ARPC2: variants seen among roughly 807,000 people sequenced by gnomAD.
The protein encoded by ARPC2 is actin related protein 2/3 complex subunit 2.
ARPC2 carries 4 observed loss-of-function variants against 38.6 expected under a neutral mutation model. That is an observed-to-expected ratio of 0.10 (90% CI 0.05 to 0.24). ARPC2 has a LOEUF of 0.24. Among genes scored for constraint, ARPC2 ranks in the 10% least tolerant of loss-of-function variants. The pLI is 1.00. For missense variants in ARPC2, 229 were observed against 387.3 expected (o/e 0.59, Z 3.43); for synonymous variants, 125 against 140.8 (o/e 0.89, Z 0.79).
chr2:218,246,320 C>T (rs1002028499), intron 8 of ARPC2, among the ~76,000 whole-genome samples: 2 of 151,400 alleles, frequency 1.3e-5, no homozygotes, highest in East Asian at 2.0e-4. Flanking sequence ...GTCAGGAGTT[C>T]GAGACCAGCC....
chr2:218,249,975 G>A (rs1690144662), intron 10 of ARPC2, 54 bp downstream of exon 10: 2 of 1,452,210 alleles, frequency 1.4e-6, no homozygotes, highest in African/African-American at 2.8e-5. Context: ...CACCGAGAAG[G>A]AAGCAGTGGG....
intron 7 of ARPC2, among the ~76,000 whole-genome samples, chr2:218,242,427 C>G (rs1296418180): frequency 6.6e-6 from 1 of 152,136 alleles, no homozygotes; most frequent in Non-Finnish European, 1.5e-5. Context: ...TGTTCAGGGA[C>G]AAAGACACAA....
rs202051398 is a variant in ARPC2, at chr2:218,238,818, G to A, written c.423G>A (p.Arg141=). ...FQEEGKEGEN[R]AVIHYRDDET... The stretch of plus-strand genomic sequence containing the variant: ...AAGAGGGCAAGGAAGGAGAGAACAG[G>A]GCAGTTATCCATTATAGGGATGATG... The change falls in exon 6 of 11, where the codon AGG becomes AGA. Residue 141 remains arginine (R), a synonymous_variant. Coordinates refer to ENST00000315717, the MANE Select transcript of ARPC2 (RefSeq NM_152862.3). 357 of 1,613,744 alleles carry A rather than the reference G, an allele frequency of 2.2e-4. 4 individuals carry two copies. Among genetic ancestry groups the A allele is most frequent in the Middle Eastern group, 8.2e-4 (5 of 6,082 alleles).
intron 8 of ARPC2, among the ~76,000 whole-genome samples, chr2:218,246,618 G>C (rs13423003): frequency 0.1 from 15,180 of 151,862 alleles, 1,679 homozygotes; most frequent in African/African-American, 0.27. Flanking sequence ...AGGTTGGTGG[G>C]TCACTTGGGT....
chr2:218,242,288 G>A (rs1689933902), intron 7 of ARPC2, among the ~76,000 whole-genome samples: 1 of 152,162 alleles, frequency 6.6e-6, no homozygotes, highest in South Asian at 2.1e-4. Context: ...AAAAGCAATA[G>A]GACCAGTAAT....
chr2:218,235,543 T>C (rs1199482733), intron 5 of ARPC2: 1 of 151,648 alleles, frequency 6.6e-6, no homozygotes, highest in Non-Finnish European at 1.5e-5. Context: ...GGGATGAATG[T>C]GTCACAGAAA....
At chr2:218,242,247 T>G (rs1689932978) in intron 7 of ARPC2, among the ~76,000 whole-genome samples, 5 of 152,244 alleles carry the variant, frequency 3.3e-5, no homozygotes, top group Admixed American at 3.3e-4. Flanking sequence ...GAATGTCTGA[T>G]AGAAGCCATC....
At position 218,245,478 on chromosome 2, in the gene ARPC2, G is replaced by T. The variant is rs1174444575; in HGVS notation, c.608G>T (p.Arg203Met). 9.3e-6 allele frequency: 15 copies of T among 1,614,066 alleles called. No individual in the cohort carries two copies. Among genetic ancestry groups the T allele is most frequent in the Non-Finnish European group, 1.3e-5 (15 of 1,180,036 alleles). ...GCCCCACAGGTCCTCTTTAGCCACAGGGAACCTCCTCTGGAGCTGAAAGAC... is the reference window on the plus strand; with the variant it reads ...GCCCCACAGGTCCTCTTTAGCCACATGGAACCTCCTCTGGAGCTGAAAGAC... The part of the protein sequence containing the change: ...HTAPQVLFSH[R>M]EPPLELKDTD... The change falls in exon 8 of 11, where the codon AGG (arginine) becomes ATG (methionine). Residue 203 changes from arginine to methionine, a missense_variant. Coordinates refer to ENST00000315717, the MANE Select transcript of ARPC2 (RefSeq NM_152862.3).
chr2:218,223,662 A>G (rs1363469265), intron 2 of ARPC2, among the ~76,000 whole-genome samples: 3 of 152,164 alleles, frequency 2.0e-5, no homozygotes, highest in African/African-American at 7.2e-5. Context: ...TAGAAGAGGA[A>G]CCTGAGGCCC....
At chr2:218,229,254 A>G (rs1689576143) in intron 4 of ARPC2, 1 of 153,250 alleles carries the variant, frequency 6.5e-6, no homozygotes, top group Non-Finnish European at 1.5e-5. Flanking sequence ...GTCTTTTGAA[A>G]TTTTTAATTA....
At chr2:218,218,345 T>TATA (rs1212793214) in intron 2 of ARPC2, among the ~76,000 whole-genome samples, 1 of 152,226 alleles carries the variant, frequency 6.6e-6, no homozygotes, top group African/African-American at 2.4e-5. Context: ...CTCCAGAATC[T>TATA]ATAAAGTTCT....
At chr2:218,241,256 A>T (rs975852312) in intron 7 of ARPC2, among the ~76,000 whole-genome samples, 2 of 152,258 alleles carry the variant, frequency 1.3e-5, no homozygotes, top group African/African-American at 4.8e-5. Context: ...GAAAATCTTC[A>T]AAAGTGATAT....
At position 218,234,125 on chromosome 2, in the gene ARPC2, C is replaced by T. The variant is rs1340540522; in HGVS notation, c.223-227C>T. 6.7e-5 allele frequency: 24 copies of T among 360,806 alleles called. No individual in the cohort carries two copies. The East Asian group carries it at 9.3e-4, about 14-fold the overall frequency. The allele number at this position is 360,806 out of a possible 1,614,324, so 22.4% of individuals were successfully genotyped here. A position where few individuals can be genotyped will look rare whatever the true frequency, so the allele number is the denominator to read the frequency against. On this transcript the variant is annotated intron_variant, in intron 4 of 10. Transcript: ENST00000315717. ...CGGAGGTTGTGGTGAGCCGAGATCGCGCCATTGCACTCTGTCCCAGGCATA... is the reference window on the plus strand; with the variant it reads ...CGGAGGTTGTGGTGAGCCGAGATCGTGCCATTGCACTCTGTCCCAGGCATA...
intron 6 of ARPC2, 23 bp downstream of exon 6, chr2:218,238,873 A>G (rs1267720115): frequency 6.4e-7 from 1 of 1,563,726 alleles, no homozygotes; most frequent in Non-Finnish European, 8.8e-7. Flanking sequence ...TTTGGTCCTG[A>G]AGCCTGGATA....
chr2:218,239,679 C>T lies in ARPC2; in HGVS notation c.549+195C>T, dbSNP rs184073728. ...AGTGATCTCGGCTCACTGCAACCTC[C>T]GCCTCCCAGGTTCAAGCAATTCTCC... On this transcript the variant is annotated intron_variant, in intron 7 of 10. Transcript: ENST00000315717. 1.1e-3 allele frequency: 560 copies of T among 509,122 alleles called. 7 individuals carry two copies. In the South Asian group the frequency reaches 0.012, roughly 11 times the overall value. The allele number at this position is 509,122 out of a possible 1,614,324, so 31.5% of individuals were successfully genotyped here.
In ARPC2 at chr2:218,217,560, G is replaced by T. The variant is rs1196875517; in HGVS notation, c.74+16G>T. 2 of 1,606,928 alleles carry T rather than the reference G, an allele frequency of 1.2e-6. No individual in the cohort carries two copies. Among genetic ancestry groups the T allele is most frequent in the African/African-American group, 2.7e-5 (2 of 74,786 alleles). On this transcript the variant is annotated intron_variant, in intron 2 of 10. Transcript: ENST00000315717. ...CGGCCGCCGGGTGAGCGCGCGCCCG[G>T]GGCCGGGGGTGGCGGGGGAAGCAGA...
At chr2:218,248,180 A>G (rs1185359603) in intron 8 of ARPC2, among the ~76,000 whole-genome samples, 2 of 152,214 alleles carry the variant, frequency 1.3e-5, no homozygotes, top group Non-Finnish European at 2.9e-5. Context: ...CTCTTGTGGT[A>G]CATAAAATTA....
intron 10 of ARPC2, 59 bp downstream of exon 10, chr2:218,249,980 A>T: frequency 7.0e-7 from 1 of 1,428,464 alleles, no homozygotes; most frequent in Non-Finnish European, 9.6e-7. Flanking sequence ...AGAAGGAAGC[A>T]GTGGGCGCTG....
In ARPC2 at chr2:218,249,371, C is replaced by T; in HGVS notation, c.684C>T (p.Phe228=). 1 of 1,612,016 alleles carries T rather than the reference C, an allele frequency of 6.2e-7. No individual in the cohort carries two copies. Among genetic ancestry groups the T allele is most frequent in the Non-Finnish European group, 8.5e-7 (1 of 1,178,894 alleles). Residue 228 remains phenylalanine, a synonymous_variant, in exon 9 of 11, where the codon TTC becomes TTT. Transcript: ENST00000315717. The part of the protein sequence containing the change: ...DNIGYITFVL[F]PRHTNASARD... ...TGTGTCTTCCGCCTTCAGTGCTGTT[C>T]CCTCGTCACACCAATGCCAGTGCTC... is the stretch of plus-strand genomic sequence containing the variant.
Sources: gnomAD v4.1 joint callset for allele counts (sites outside exome capture counted in the v4.1 genomes callset) on GRCh38, gnomAD v4.1.1 for gene constraint, MANE v1.5 for transcripts, NCBI Gene and HGNC (gene_info 2026-07-23, HGNC 2026-07-21) for gene names.